Variants in CAPN1 observed in about 807,000 individuals in gnomAD.
CAPN1 encodes calpain 1.
Under a neutral mutation model 105.2 loss-of-function variants are expected in CAPN1, and 77 were observed. The observed-to-expected ratio is 0.73, with a 90% CI of 0.61 to 0.88. The LOEUF (loss-of-function observed/expected upper bound fraction) is 0.88. Ranked by LOEUF, CAPN1 falls within the 40% of genes least tolerant of loss-of-function variation. The probability of loss-of-function intolerance (pLI) is 0.00; values close to 1 mark genes in which losing one functional copy is unlikely to be tolerated. For missense variants in CAPN1, 833 were observed against 976.6 expected (o/e 0.85, Z 1.96); for synonymous variants, 355 against 388.8 (o/e 0.91, Z 1.02).
chr11:65,200,320 C>A (rs540640048), intron 10 of CAPN1, among the ~76,000 whole-genome samples: 53 of 151,840 alleles, frequency 3.5e-4, no homozygotes, highest in African/African-American at 1.2e-3. Flanking sequence ...GGATTACAGG[C>A]GTGAGTCTGA....
Position 65,188,175 on chromosome 11 carries a change from G to A in CAPN1, c.929+135G>A. ...GGCCCATCTTCGCGCGACTGGGTCT[G>A]GGGGACTGCTCTGACAAAGCTCAGG... is the stretch of plus-strand genomic sequence containing the variant. On this transcript the variant is annotated intron_variant, in intron 8 of 21. Transcript: ENST00000279247. This position sits in a 1 kb window ranked among gnomAD's most constrained non-coding sequence, Gnocchi z 5.5. 1 of 725,436 alleles carries A rather than the reference G, an allele frequency of 1.4e-6. No individual in the cohort carries two copies. The highest frequency in any genetic ancestry group is 2.3e-6 in the Non-Finnish European group (1 of 437,860). 44.9% of individuals were successfully genotyped at this position (725,436 alleles called of 1,614,324 possible). A position where few individuals can be genotyped will look rare whatever the true frequency, so the allele number is the denominator to read the frequency against.
intron 10 of CAPN1, among the ~76,000 whole-genome samples, chr11:65,202,696 G>A (rs1374048322): frequency 6.6e-6 from 1 of 152,036 alleles, no homozygotes; most frequent in African/African-American, 2.4e-5. Flanking sequence ...AGCTGCCTCA[G>A]CCTCCCAAAG....
intron 5 of CAPN1, 59 bp from the exon 6 acceptor site, chr11:65,186,111 G>A: frequency 1.2e-6 from 2 of 1,606,930 alleles, no homozygotes; most frequent in South Asian, 1.1e-5. Flanking sequence ...GGGGGCTCAT[G>A]ACTGTCTTCT....
intron 14 of CAPN1, 81 bp from the exon 15 acceptor site, chr11:65,207,974 G>T: frequency 1.0e-6 from 1 of 977,016 alleles, no homozygotes; most frequent in South Asian, 1.5e-5. Context: ...GCAGATATGT[G>T]ACCTCAGCCC....
Position 65,188,648 on chromosome 11 carries a change from A to C in CAPN1, c.1067A>C (p.Asp356Ala), listed in dbSNP as rs755847929. The C allele has an allele frequency of 6.2e-7, 1 of 1,613,866 alleles. No homozygotes were observed. Residue 356 changes from aspartate to alanine, a missense_variant, in exon 10 of 22, where the codon GAC becomes GCC. By Grantham distance (126) the Asp-to-Ala change is moderately radical. Transcript: ENST00000279247. The surrounding 1 kb of genome is among the most constrained non-coding windows in gnomAD (Gnocchi z 5.5). The stretch of plus-strand genomic sequence containing the variant: ...CTGGAGATCTGCAACCTCACACCCG[A>C]CGCCCTCAAGAGCCGGACCATCCGC... ...TRLEICNLTPDALKSRTIRKW... is the reference protein window; with the variant it reads ...TRLEICNLTPAALKSRTIRKW...
rs759767072 is a variant in CAPN1, at chr11:65,210,377, C to T, written c.1984C>T (p.Arg662Cys). 73 of 1,613,248 alleles carry T rather than the reference C, an allele frequency of 4.5e-5. No individual in the cohort carries two copies. Among genetic ancestry groups the T allele is most frequent in the South Asian group, 1.3e-4 (12 of 91,036 alleles). Residue 662 changes from arginine to cysteine, a missense_variant, in exon 20 of 22, where the codon CGC becomes TGC. Arg to Cys is a radical substitution (Grantham distance 180). Transcript: ENST00000279247. This position sits in a 1 kb window ranked among gnomAD's most constrained non-coding sequence, Gnocchi z 4.3. Reference protein sequence around the residue: ...NKKLYELIITRYSEPDLAVDF... With the variant: ...NKKLYELIITCYSEPDLAVDF... Reference sequence around the variant, plus strand: ...GAAGCTGTACGAGCTCATCATCACCCGCTACTCGGAGCCCGACCTGGCGGT... The same window carrying T: ...GAAGCTGTACGAGCTCATCATCACCTGCTACTCGGAGCCCGACCTGGCGGT...
chr11:65,191,748 C>A (rs1036322083), intron 10 of CAPN1, among the ~76,000 whole-genome samples: 3 of 152,178 alleles, frequency 2.0e-5, no homozygotes, highest in Non-Finnish European at 4.4e-5. Flanking sequence ...CTAATTCTTA[C>A]AACTTTTGTT....
chr11:65,195,117 T>G (rs1387328514), intron 10 of CAPN1, among the ~76,000 whole-genome samples: 3 of 147,176 alleles, frequency 2.0e-5, no homozygotes, highest in East Asian at 2.0e-4. Context: ...TTTTTTTTTT[T>G]TTTTTTTTTT....
chr11:65,210,164 G>C lies in CAPN1; in HGVS notation c.1942+68G>C. On this transcript the variant is annotated intron_variant, in intron 19 of 21. Coordinates refer to ENST00000279247, the MANE Select transcript of CAPN1 (RefSeq NM_005186.4). The surrounding 1 kb of genome is among the most constrained non-coding windows in gnomAD (Gnocchi z 4.3). The stretch of plus-strand genomic sequence containing the variant: ...GTAGCCCCACTGCTCCTATGCCCCA[G>C]GCCCTTGTCCCTGGGGTGCTAGTGG... 1.2e-5 allele frequency: 17 copies of C among 1,389,766 alleles called. No individual in the cohort carries two copies. The highest frequency in any genetic ancestry group is 1.9e-4 in the Middle Eastern group (1 of 5,400). 86.1% of individuals were successfully genotyped at this position (1,389,766 alleles called of 1,614,324 possible).
intron 3 of CAPN1, 121 bp from the exon 4 acceptor site, chr11:65,183,353 C>A: frequency 9.1e-7 from 1 of 1,104,182 alleles, no homozygotes. Flanking sequence ...TGGGTCTTTT[C>A]TGCAAGCTGA....
chr11:65,194,396 A>T (rs1948762776), intron 10 of CAPN1, among the ~76,000 whole-genome samples: 1 of 152,234 alleles, frequency 6.6e-6, no homozygotes. Context: ...ATTAAGTTAC[A>T]CAATTTTGAT....
At chr11:65,195,011 C>T (rs1378175871) in intron 10 of CAPN1, among the ~76,000 whole-genome samples, 6 of 152,208 alleles carry the variant, frequency 3.9e-5, no homozygotes, top group South Asian at 4.2e-4. Context: ...TCTGATTTCT[C>T]CACATCCTCT....
intron 14 of CAPN1, 94 bp downstream of exon 14, chr11:65,206,913 G>A (rs759420740): frequency 9.1e-6 from 11 of 1,208,370 alleles, no homozygotes; most frequent in Admixed American, 2.2e-5. Context: ...CTGAGTTCCT[G>A]CTAACAGGGA....
rs1370286074 is a variant in CAPN1 at position 65,187,468 on chromosome 11, G to A, written c.843+170G>A. ...CCATCTGAGATGCCTATCATGTCCT[G>A]CCCTGACTGACTGTAGTTCATGTGT... is the stretch of plus-strand genomic sequence containing the variant. On this transcript the variant is annotated intron_variant, in intron 7 of 21. Coordinates refer to ENST00000279247, the MANE Select transcript of CAPN1 (RefSeq NM_005186.4). The A allele has an allele frequency of 2.6e-5, 16 of 607,936 alleles. No homozygotes were observed. In the African/African-American group the frequency reaches 3.0e-4, roughly 11 times the overall value. 37.7% of individuals were successfully genotyped at this position (607,936 alleles called of 1,614,324 possible). A position where few individuals can be genotyped will look rare whatever the true frequency, so the allele number is the denominator to read the frequency against.
chr11:65,188,289 C>G lies in CAPN1; in HGVS notation c.930-125C>G, dbSNP rs543722476. On this transcript the variant is annotated intron_variant, in intron 8 of 21. Transcript: ENST00000279247. This position sits in a 1 kb window ranked among gnomAD's most constrained non-coding sequence, Gnocchi z 5.5. Reference sequence around the variant, plus strand: ...CCACCCCCTAGAAGCGGAACCTTGGCGCTTGACCTTGAGGAGGCCACCTGG... The same window carrying G: ...CCACCCCCTAGAAGCGGAACCTTGGGGCTTGACCTTGAGGAGGCCACCTGG... 1.2e-6 allele frequency: 1 copy of G among 841,492 alleles called. No individual in the cohort carries two copies. Among genetic ancestry groups the G allele is most frequent in the African/African-American group, 1.7e-5 (1 of 58,976 alleles). The allele number at this position is 841,492 out of a possible 1,614,324, so 52.1% of individuals were successfully genotyped here. A position where few individuals can be genotyped will look rare whatever the true frequency, so the allele number is the denominator to read the frequency against.
At position 65,202,728 on chromosome 11, in the gene CAPN1, C is replaced by T. The variant is rs374750326; in HGVS notation, c.1166-1955C>T. On this transcript the variant is annotated intron_variant, in intron 10 of 21. Coordinates refer to ENST00000279247, the MANE Select transcript of CAPN1 (RefSeq NM_005186.4). ...AAAGTGCTGGGATTACAGGTGTGAG[C>T]CACTGCACCTGGCCATATATTACGA... Among the ~76,000 whole-genome samples the T allele has an allele frequency of 7.2e-5, 11 of 152,250 alleles. No individual in the cohort carries two copies. In the South Asian group the frequency reaches 2.3e-3, roughly 32 times the overall value.
rs1375900844 is a variant in CAPN1, at chr11:65,183,520, CACCCTCCTGCACCGAGT to C, written c.385_401del (p.Thr129GlyfsTer32). ...CCATCGCCTCCCTCACTCTCAACGA[CACCCTCCTGCACCGAGT>C]GGTTCCGCACGGCCAGAGCTTCCAG... On this transcript the variant is annotated frameshift_variant, in exon 4 of 22. Coordinates refer to ENST00000279247, the MANE Select transcript of CAPN1 (RefSeq NM_005186.4). LOFTEE classifies it high-confidence loss of function. The C allele has an allele frequency of 6.2e-7, 1 of 1,613,896 alleles. No homozygotes were observed. Among genetic ancestry groups the C allele is most frequent in the South Asian group, 1.1e-5 (1 of 91,086 alleles).
chr11:65,183,502 C>T lies in CAPN1; in HGVS notation c.366C>T (p.Ala122=), dbSNP rs1413999757. The T allele has an allele frequency of 1.7e-5, 28 of 1,613,844 alleles. No homozygotes were observed. The highest frequency in any genetic ancestry group is 2.3e-5 in the Non-Finnish European group (27 of 1,179,740). ...ACTGCTGGCTCTTGGCGGCCATCGC[C>T]TCCCTCACTCTCAACGACACCCTCC... ...LGDCWLLAAI[A]SLTLNDTLLH... The change falls in exon 4 of 22, where the codon GCC becomes GCT. Residue 122 remains alanine, a synonymous_variant. Coordinates refer to ENST00000279247, the MANE Select transcript of CAPN1 (RefSeq NM_005186.4).
In CAPN1 at chr11:65,208,653, C is replaced by A. The variant is rs962144671; in HGVS notation, c.1729+391C>A. ...AATTAGCTGGGCGTGGTGGCATGCA[C>A]CTATAGTCCCAGCTACTCAGGAGGC... On this transcript the variant is annotated intron_variant, in intron 16 of 21. Coordinates refer to ENST00000279247, the MANE Select transcript of CAPN1 (RefSeq NM_005186.4). The surrounding 1 kb of genome is among the most constrained non-coding windows in gnomAD (Gnocchi z 4.1). 1 of 324,858 alleles carries A rather than the reference C, an allele frequency of 3.1e-6. No homozygotes were observed. Among genetic ancestry groups the A allele is most frequent in the Non-Finnish European group, 6.0e-6 (1 of 167,182 alleles). 20.1% of individuals were successfully genotyped at this position (324,858 alleles called of 1,614,324 possible). A position where few individuals can be genotyped will look rare whatever the true frequency, so the allele number is the denominator to read the frequency against.
Sources: gnomAD v4.1 joint callset for allele counts (sites outside exome capture counted in the v4.1 genomes callset) on GRCh38, gnomAD v4.1.1 for gene constraint, Gnocchi (gnomAD v3.1) non-coding constraint, MANE v1.5 for transcripts, NCBI Gene and HGNC (gene_info 2026-07-23, HGNC 2026-07-21) for gene names.